LRFN2: variants seen among roughly 807,000 people sequenced by gnomAD.
LRFN2 encodes the protein leucine rich repeat and fibronectin type III domain containing 2.
A neutral mutation model predicts 37.3 loss-of-function variants in LRFN2; 18 were observed. That is an observed-to-expected ratio of 0.48 (90% CI 0.33 to 0.72). The LOEUF is 0.72. Among genes scored for constraint, LRFN2 ranks in the 30% least tolerant of loss-of-function variants. LRFN2 has a pLI of 0.02. For synonymous variants in LRFN2, 556 were observed against 466.6 expected, an observed-to-expected ratio of 1.19 and a Z score of -2.47; for missense variants, 1,006 against 1,060.7, an observed-to-expected ratio of 0.95 and a Z score of 0.72.
intron 1 of LRFN2, among the ~76,000 whole-genome samples, chr6:40,478,782 AT>A (rs1226907779): frequency 6.6e-6 from 1 of 152,242 alleles, no homozygotes; most frequent in Non-Finnish European, 1.5e-5. Context: ...ACACATGCAC[AT>A]ATGTGTAGTG....
intron 1 of LRFN2, among the ~76,000 whole-genome samples, chr6:40,494,430 T>G (rs571415960): frequency 6.6e-6 from 1 of 152,262 alleles, no homozygotes; most frequent in African/African-American, 2.4e-5. Context: ...ATGCTGCCTT[T>G]GAAAAAGAGT....
rs536002149 is a variant in LRFN2 at position 40,558,448 on chromosome 6, T to C, written c.-19+28493A>G. On this transcript the variant is annotated intron_variant, in intron 1 of 2. Transcript: ENST00000338305. ...CCAGCGTTAGAAAGATGGATCTGCC[T>C]CTGGCTGAGGCATTTGAGGGTTTGG... 2.6e-5 allele frequency among the ~76,000 whole-genome samples: 4 copies of C among 152,306 alleles called. No individual in the cohort carries two copies. In the East Asian group the frequency reaches 7.7e-4, roughly 29 times the overall value.
At position 40,392,147 on chromosome 6, in the gene LRFN2, G is replaced by A. The variant is rs778979948; in HGVS notation, c.2166C>T (p.His722=). ...CAGCAAAGTCCCCCATGTCGAAGGA[G>A]TGGCTGCGTTTGGCCTTGCCCTCCA... ...LPLEGKAKRS[H]SFDMGDFAAA... Residue 722 remains histidine (H), a synonymous_variant, in exon 3 of 3, where the codon CAC becomes CAT. Transcript: ENST00000338305. The surrounding 1 kb of genome is among the most constrained non-coding windows in gnomAD (Gnocchi z 4.7). 1.9e-6 allele frequency: 3 copies of A among 1,609,988 alleles called. No individual in the cohort carries two copies. The highest frequency in any genetic ancestry group is 1.1e-5 in the South Asian group (1 of 90,204).
intron 1 of LRFN2, among the ~76,000 whole-genome samples, chr6:40,444,292 A>G (rs1485610461): frequency 1.3e-5 from 2 of 152,190 alleles, no homozygotes; most frequent in Non-Finnish European, 2.9e-5. Flanking sequence ...AGGAGAAAGA[A>G]GAAAGAGACA....
chr6:40,404,186 A>G (rs1762798619), intron 2 of LRFN2, among the ~76,000 whole-genome samples: 1 of 152,116 alleles, frequency 6.6e-6, no homozygotes, highest in Admixed American at 6.5e-5. Flanking sequence ...TGCCCAACAG[A>G]CAATATCATT....
In LRFN2 at chr6:40,432,221, A is replaced by G. The variant is rs1177679698; in HGVS notation, c.893T>C (p.Leu298Ser). 6 of 1,613,994 alleles carry G rather than the reference A, an allele frequency of 3.7e-6. No individual in the cohort carries two copies. Among genetic ancestry groups the G allele is most frequent in the Non-Finnish European group, 4.2e-6 (5 of 1,180,020 alleles). ...GGCCGCCTGGCCCTCCAGAACCAGC[A>G]ACTTGTGTGTGTGCTGGGTGATGAG... ...PPLITQHTHKLLVLEGQAATL... is the reference protein window; with the variant it reads ...PPLITQHTHKSLVLEGQAATL... The change falls in exon 2 of 3, where the codon TTG becomes TCG. Residue 298 changes from leucine to serine, a missense_variant. Leu to Ser is a moderately radical substitution (Grantham distance 145). Transcript: ENST00000338305.
At chr6:40,491,426 C>T (rs1006484886) in intron 1 of LRFN2, among the ~76,000 whole-genome samples, 1 of 152,238 alleles carries the variant, frequency 6.6e-6, no homozygotes, top group African/African-American at 2.4e-5. Context: ...AGCCGGAGGG[C>T]TCCTAGCATC....
chr6:40,511,268 T>A (rs1449324466), intron 1 of LRFN2, among the ~76,000 whole-genome samples: 1 of 152,186 alleles, frequency 6.6e-6, no homozygotes. Context: ...CACACAACTC[T>A]TGAAGTAGAT....
intron 1 of LRFN2, among the ~76,000 whole-genome samples, chr6:40,578,268 T>C (rs1463758456): frequency 6.6e-6 from 1 of 152,162 alleles, no homozygotes; most frequent in Non-Finnish European, 1.5e-5. Context: ...CGTGGTTTAT[T>C]TTCCCAGCAG....
At chr6:40,417,588 T>A (rs1763121916) in intron 2 of LRFN2, among the ~76,000 whole-genome samples, 1 of 152,164 alleles carries the variant, frequency 6.6e-6, no homozygotes, top group Admixed American at 6.5e-5. Context: ...TGGGGAATGC[T>A]GACAGAGGAG....
rs569717357 is a variant in LRFN2, at chr6:40,489,551, A to G, written c.-18-56420T>C. Among the ~76,000 whole-genome samples the G allele has an allele frequency of 2.7e-3, 404 of 152,190 alleles. 3 individuals are homozygous for G. Among genetic ancestry groups the G allele is most frequent in the African/African-American group, 9.1e-3 (378 of 41,510 alleles). On this transcript the variant is annotated intron_variant, in intron 1 of 2. Coordinates refer to ENST00000338305, the MANE Select transcript of LRFN2 (RefSeq NM_020737.3). ...GGACACACAGGGGAGGAGATGGGTG[A>G]GAAGGAGGAAAAGTGGGGCAGGAGG...
chr6:40,453,978 T>C (rs1348521731), intron 1 of LRFN2, among the ~76,000 whole-genome samples: 3 of 152,180 alleles, frequency 2.0e-5, no homozygotes, highest in Admixed American at 1.3e-4. Context: ...GTTTTTGTGC[T>C]GGACTGTCTC....
intron 2 of LRFN2, among the ~76,000 whole-genome samples, chr6:40,395,360 C>T (rs573652211): frequency 6.6e-6 from 1 of 152,276 alleles, no homozygotes; most frequent in South Asian, 2.1e-4. Flanking sequence ...AAGCATTTTT[C>T]CTCATTTCAG....
At chr6:40,448,973 C>T (rs1215306333) in intron 1 of LRFN2, among the ~76,000 whole-genome samples, 1 of 152,124 alleles carries the variant, frequency 6.6e-6, no homozygotes, top group Non-Finnish European at 1.5e-5. Flanking sequence ...AGAAGTATAA[C>T]CAAAGCAACC....
At chr6:40,456,817 G>C (rs1324005786) in intron 1 of LRFN2, among the ~76,000 whole-genome samples, 1 of 152,186 alleles carries the variant, frequency 6.6e-6, no homozygotes, top group African/African-American at 2.4e-5. Context: ...AAAAGCAGTA[G>C]CTATGCTCCT....
intron 1 of LRFN2, among the ~76,000 whole-genome samples, chr6:40,502,584 G>A (rs1265401032): frequency 1.3e-5 from 2 of 152,198 alleles, no homozygotes; most frequent in Non-Finnish European, 2.9e-5. Context: ...GAATTGGAAG[G>A]CAAGTCACAA....
intron 2 of LRFN2, among the ~76,000 whole-genome samples, chr6:40,412,997 G>A (rs765063836): frequency 6.6e-6 from 1 of 152,134 alleles, no homozygotes; most frequent in Non-Finnish European, 1.5e-5. Flanking sequence ...AATCTAAGAA[G>A]GTCAATGATT....
chr6:40,398,359 G>T (rs1762658681), intron 2 of LRFN2, among the ~76,000 whole-genome samples: 2 of 151,722 alleles, frequency 1.3e-5, no homozygotes, highest in Admixed American at 6.6e-5. Context: ...AACCTTACAG[G>T]GTGGGCACCG....
intron 2 of LRFN2, among the ~76,000 whole-genome samples, chr6:40,395,563 C>T (rs996954975): frequency 4.6e-5 from 7 of 152,184 alleles, no homozygotes; most frequent in Non-Finnish European, 8.8e-5. Context: ...GTTCCTTTCC[C>T]CTCAGGGCTA....
Sources: gnomAD v4.1 joint callset for allele counts (sites outside exome capture counted in the v4.1 genomes callset) on GRCh38, gnomAD v4.1.1 for gene constraint, Gnocchi (gnomAD v3.1) non-coding constraint, MANE v1.5 for transcripts, NCBI Gene and HGNC (gene_info 2026-07-23, HGNC 2026-07-21) for gene names.